Variants in NSL1 observed in about 807,000 individuals in gnomAD.
NSL1 encodes kinetochore-associated protein NSL1 homolog.
NSL1 carries 11 observed loss-of-function variants against 25.4 expected under a neutral mutation model. The observed-to-expected ratio is 0.43, with a 90% CI of 0.27 to 0.72. The LOEUF (loss-of-function observed/expected upper bound fraction) is 0.72. NSL1 is among the 30% of genes least tolerant of loss of function. NSL1 has a pLI of 0.19. For synonymous variants in NSL1, 118 were observed against 120.6 expected (o/e 0.98, Z 0.14); for missense variants, 330 against 342.7 (o/e 0.96, Z 0.29).
At chr1:212,740,824 A>G (rs901141824) in intron 4 of NSL1, among the ~76,000 whole-genome samples, 1 of 152,248 alleles carries the variant, frequency 6.6e-6, no homozygotes, top group African/African-American at 2.4e-5. Flanking sequence ...GATAGGTAAT[A>G]TATGTGCTTC....
At chr1:212,752,834 T>C (rs1417051281) in intron 4 of NSL1, among the ~76,000 whole-genome samples, 3 of 151,150 alleles carry the variant, frequency 2.0e-5, no homozygotes, top group African/African-American at 7.3e-5. Context: ...GTCACTGTAC[T>C]GACTAAACTA....
intron 4 of NSL1, among the ~76,000 whole-genome samples, chr1:212,750,508 TAGG>T (rs1447254536): frequency 6.6e-6 from 1 of 151,938 alleles, no homozygotes; most frequent in African/African-American, 2.4e-5. Context: ...CAGACTGGAA[TAGG>T]AGGACAGAAG....
At position 212,728,375 on chromosome 1, in the gene NSL1, G is replaced by A. The variant is rs1038106601; in HGVS notation, c.*10033C>T. 9.4e-5 allele frequency: 93 copies of A among 985,178 alleles called. No individual in the cohort carries two copies. Among genetic ancestry groups the A allele is most frequent in the Admixed American group, 2.5e-4 (4 of 16,254 alleles). The allele number at this position is 985,178 out of a possible 1,614,324, so 61.0% of individuals were successfully genotyped here. Reference sequence around the variant, plus strand: ...TGCTTTAAACAGTTCTACAATTCACGCTATTTATTAATGGCCTTTTACCCA... The same window carrying A: ...TGCTTTAAACAGTTCTACAATTCACACTATTTATTAATGGCCTTTTACCCA... On this transcript the variant is annotated 3_prime_UTR_variant, in exon 6 of 6. Coordinates refer to ENST00000366977, the MANE Select transcript of NSL1 (RefSeq NM_015471.4).
At position 212,765,647 on chromosome 1, in the gene NSL1, C is replaced by T. The variant is rs967003172; in HGVS notation, c.499+16725G>A. On this transcript the variant is annotated intron_variant, in intron 4 of 5. Coordinates refer to ENST00000366977, the MANE Select transcript of NSL1 (RefSeq NM_015471.4). ...ACCAGCCTGGTCAATATGGTGAAAC[C>T]CCATCTCTACTAAAAATACAAAAAT... Among the ~76,000 whole-genome samples, 4 of 151,632 alleles carry T rather than the reference C, an allele frequency of 2.6e-5. No individual in the cohort carries two copies. The South Asian group carries it at 6.3e-4, about 24-fold the overall frequency.
intron 4 of NSL1, among the ~76,000 whole-genome samples, chr1:212,752,138 T>C (rs935937311): frequency 2.0e-5 from 3 of 152,262 alleles, no homozygotes; most frequent in Non-Finnish European, 2.9e-5. Flanking sequence ...GGAACTAATA[T>C]GCATCTGAAA....
At chr1:212,766,322 T>C (rs1190877973) in intron 4 of NSL1, 1 of 518,176 alleles carries the variant, frequency 1.9e-6, no homozygotes, top group East Asian at 3.2e-5. Flanking sequence ...TTCAACATAG[T>C]ACTCAGCCAG....
chr1:212,787,389 T>C (rs766637794), intron 2 of NSL1, among the ~76,000 whole-genome samples, 170 bp downstream of exon 2: 39 of 152,194 alleles, frequency 2.6e-4, no homozygotes, highest in African/African-American at 8.9e-4. Context: ...CAATAAACTA[T>C]TGACAAAGAA....
rs1184899771 is a variant in NSL1 at position 212,736,501 on chromosome 1, C to T, written c.*1907G>A. ...TGGCCTATGCAGAAATGCAACTTCT[C>T]CTCTTACACAGTATACTTATTCAAT... On this transcript the variant is annotated 3_prime_UTR_variant, in exon 6 of 6. Coordinates refer to ENST00000366977, the MANE Select transcript of NSL1 (RefSeq NM_015471.4). 5 of 985,220 alleles carry T rather than the reference C, an allele frequency of 5.1e-6. No homozygotes were observed. The East Asian group carries it at 5.7e-4, about 112-fold the overall frequency. 61.0% of individuals were successfully genotyped at this position (985,220 alleles called of 1,614,324 possible). A position where few individuals can be genotyped will look rare whatever the true frequency, so the allele number is the denominator to read the frequency against.
chr1:212,784,892 T>C (rs1660879845), intron 2 of NSL1, among the ~76,000 whole-genome samples: 1 of 152,222 alleles, frequency 6.6e-6, no homozygotes, highest in Non-Finnish European at 1.5e-5. Context: ...GAAGTAACAT[T>C]TGAGCTTGAA....
rs1376425706 is a variant in NSL1 at position 212,738,578 on chromosome 1, T to C, written c.676A>G (p.Arg226Gly). The change falls in exon 6 of 6, where the codon AGG (arginine) becomes GGG (glycine). Residue 226 changes from arginine to glycine, a missense_variant. Transcript: ENST00000366977. ...TTCTCAGGTTTAGCATCTGGTTTCCTATGACAACTGGAAAAGACTTCTTGG... is the reference window on the plus strand; with the variant it reads ...TTCTCAGGTTTAGCATCTGGTTTCCCATGACAACTGGAAAAGACTTCTTGG... ...IHQEVFSSCH[R>G]KPDAKPENFI... 1 of 1,614,188 alleles carries C rather than the reference T, an allele frequency of 6.2e-7. No individual in the cohort carries two copies. The highest frequency in any genetic ancestry group is 8.5e-7 in the Non-Finnish European group (1 of 1,180,024).
intron 5 of NSL1, 115 bp from the exon 6 acceptor site, chr1:212,738,801 T>C: frequency 2.4e-6 from 2 of 830,086 alleles, no homozygotes; most frequent in East Asian, 5.4e-5. Flanking sequence ...CTTGCTTTGT[T>C]GCCCAGGCTG....
At chr1:212,745,757 G>C (rs954078435) in intron 4 of NSL1, among the ~76,000 whole-genome samples, 1 of 152,144 alleles carries the variant, frequency 6.6e-6, no homozygotes, top group Non-Finnish European at 1.5e-5. Flanking sequence ...GAGCCCAGGA[G>C]TTTGAGACCA....
chr1:212,772,323 A>C (rs1660157981), intron 4 of NSL1, among the ~76,000 whole-genome samples: 1 of 152,164 alleles, frequency 6.6e-6, no homozygotes. Context: ...AATACAATGT[A>C]ATTCCTACCA....
At chr1:212,762,407 A>G (rs1335541102) in intron 4 of NSL1, among the ~76,000 whole-genome samples, 1 of 152,116 alleles carries the variant, frequency 6.6e-6, no homozygotes, top group Non-Finnish European at 1.5e-5. Flanking sequence ...CAGGTTAGAC[A>G]AGCTTGAATT....
Position 212,791,656 on chromosome 1 carries a change from A to G in NSL1, c.108T>C (p.Phe36=), listed in dbSNP as rs553252899. The change falls in exon 1 of 6, where the codon TTT becomes TTC. Residue 36 remains phenylalanine (F), a synonymous_variant. Transcript: ENST00000366977. ...CCCGCTTCGAGGTGCAGCGCACCCG[A>G]AAGTCTTCTCGGGGAGTGGCGGAGA... The part of the protein sequence containing the change: ...ALVSATPRED[F]RVRCTSKRAV... The G allele has an allele frequency of 1.9e-6, 3 of 1,613,886 alleles. No individual in the cohort carries two copies. In the African/African-American group the frequency reaches 4.0e-5, roughly 22 times the overall value.
chr1:212,764,299 G>A (rs1455010401), intron 4 of NSL1, among the ~76,000 whole-genome samples: 1 of 152,192 alleles, frequency 6.6e-6, no homozygotes, highest in Non-Finnish European at 1.5e-5. Context: ...AAAGTTCACA[G>A]TGTTAAATGT....
chr1:212,770,765 C>G (rs530706718), intron 4 of NSL1, among the ~76,000 whole-genome samples: 2 of 152,284 alleles, frequency 1.3e-5, no homozygotes, highest in African/African-American at 4.8e-5. Flanking sequence ...AGGCCAATAT[C>G]CCTGATGAAC....
In NSL1 at chr1:212,730,360, A is replaced by G; in HGVS notation, c.*8048T>C. The G allele has an allele frequency of 3.0e-6, 3 of 985,302 alleles. No homozygotes were observed. The highest frequency in any genetic ancestry group is 3.6e-6 in the Non-Finnish European group (3 of 829,908). The allele number at this position is 985,302 out of a possible 1,614,324, so 61.0% of individuals were successfully genotyped here. A position where few individuals can be genotyped will look rare whatever the true frequency, so the allele number is the denominator to read the frequency against. On this transcript the variant is annotated 3_prime_UTR_variant, in exon 6 of 6. Transcript: ENST00000366977. ...GTGGCATCAGGGGCAGAAATGGACA[A>G]AAGAACTCCAATGACATCATTGTAG...
At chr1:212,772,482 CTT>C (rs1231920533) in intron 4 of NSL1, among the ~76,000 whole-genome samples, 1 of 151,870 alleles carries the variant, frequency 6.6e-6, no homozygotes, top group African/African-American at 2.4e-5. Flanking sequence ...TGGTGAAACT[CTT>C]GTTTCTACCA....
Sources: allele counts gnomAD v4.1 joint callset (sites outside exome capture counted in the v4.1 genomes callset), GRCh38; gene constraint gnomAD v4.1.1; transcripts MANE v1.5; gene names NCBI Gene and HGNC (gene_info 2026-07-23, HGNC 2026-07-21).